Variants in JCAD observed in about 807,000 individuals in gnomAD.
JCAD encodes the protein junctional cadherin 5-associated protein.
A neutral mutation model predicts 98.0 loss-of-function variants in JCAD; 40 were observed. The ratio of observed to expected loss-of-function variants is 0.41; its 90% CI spans 0.32 to 0.53. The LOEUF is 0.53. Ranked by LOEUF, JCAD falls within the 20% of genes least tolerant of loss-of-function variation. The pLI, the probability that JCAD is intolerant of heterozygous loss-of-function variation, is 0.31. For missense variants in JCAD, 1,705 were observed against 1,738.1 expected (o/e 0.98, Z 0.34); for synonymous variants, 691 against 682.3 (o/e 1.01, Z -0.20).
chr10:30,059,604 C>T (rs1352009039), upstream of JCAD: 1 of 151,660 alleles, frequency 6.6e-6, no homozygotes, highest in African/African-American at 2.4e-5. The surrounding 1 kb of genome is among the most constrained non-coding windows in gnomAD (Gnocchi z 5.0). Context: ...CGCCGTCCGC[C>T]CCGCCCACCG....
At chr10:30,057,742 GT>G (rs1465879564) in intron 1 of JCAD, among the ~76,000 whole-genome samples, 4 of 152,202 alleles carry the variant, frequency 2.6e-5, no homozygotes. Context: ...CGGAGTAACA[GT>G]TTCTTACATG....
intron 1 of JCAD, among the ~76,000 whole-genome samples, chr10:30,056,594 A>T (rs1837574044): frequency 6.6e-6 from 1 of 151,758 alleles, no homozygotes; most frequent in African/African-American, 2.4e-5. Context: ...TTTCATTTAC[A>T]TACAGAAAAA....
chr10:30,068,390 C>CAAAAAAAAAA (rs34060997), intron 2 of JCAD, among the ~76,000 whole-genome samples: 1 of 48,196 alleles, frequency 2.1e-5, no homozygotes, highest in African/African-American at 8.1e-5. Context: ...AACTCTGTCT[C>CAAAAAAAAAA]AAAAAAAAAA....
At chr10:30,064,779 C>A (rs1837755865) in intron 2 of JCAD, among the ~76,000 whole-genome samples, 1 of 152,100 alleles carries the variant, frequency 6.6e-6, no homozygotes, top group Admixed American at 6.5e-5. Flanking sequence ...TCAAGCAGTT[C>A]TCCTGCCTCA....
intron 3 of JCAD, among the ~76,000 whole-genome samples, chr10:30,021,804 A>C (rs1417223521): frequency 1.3e-5 from 2 of 152,136 alleles, no homozygotes; most frequent in African/African-American, 2.4e-5. Context: ...GAGAATTTAG[A>C]ATCCTGTTTC....
Position 30,027,376 on chromosome 10 carries a change from G to A in JCAD, c.2772C>T (p.His924=), listed in dbSNP as rs1836845379. Residue 924 remains histidine (H), a synonymous_variant, in exon 3 of 4, where the codon CAC becomes CAT. Coordinates refer to ENST00000375377, the MANE Select transcript of JCAD (RefSeq NM_020848.4). ...ESWSEELQPG[H]PRAWPPSPGR... ...CCGGGGATGGAGGCCAGGCACGTGGGTGGCCAGGCTGCAGCTCCTCACTCC... is the reference window on the plus strand; with the variant it reads ...CCGGGGATGGAGGCCAGGCACGTGGATGGCCAGGCTGCAGCTCCTCACTCC... 6.2e-7 allele frequency: 1 copy of A among 1,609,014 alleles called. No homozygotes were observed. The highest frequency in any genetic ancestry group is 8.5e-7 in the Non-Finnish European group (1 of 1,180,020).
At chr10:30,017,970 T>G in intron 3 of JCAD, 53 bp from the exon 4 acceptor site, 1 of 1,407,344 alleles carries the variant, frequency 7.1e-7, no homozygotes, top group Non-Finnish European at 1.0e-6. Context: ...CTGCTCTATT[T>G]TCTGTTTAAT....
chr10:30,069,376 T>C (rs923764854), intron 2 of JCAD, among the ~76,000 whole-genome samples: 2 of 148,584 alleles, frequency 1.3e-5, no homozygotes, highest in Admixed American at 6.8e-5. Context: ...GGCAGGAGGA[T>C]TGCTTGAGCC....
intron 1 of JCAD, among the ~76,000 whole-genome samples, chr10:30,095,987 T>C (rs921602560): frequency 6.6e-6 from 1 of 152,240 alleles, no homozygotes; most frequent in African/African-American, 2.4e-5. Context: ...GCTTGTGGCA[T>C]GTTAAGTCCA....
Position 30,016,001 on chromosome 10 carries a change from T to C in JCAD, c.*1882A>G, listed in dbSNP as rs1445620146. On this transcript the variant is annotated 3_prime_UTR_variant, in exon 4 of 4. Transcript: ENST00000375377. ...TCTTTTTGTTTCCCGCACTTATTGC[T>C]GCTGTGAAAACTGGAGTGCACTCTC... The C allele has an allele frequency of 6.6e-6, 1 of 152,220 alleles. No individual in the cohort carries two copies. Among genetic ancestry groups the C allele is most frequent in the African/African-American group, 2.4e-5 (1 of 41,468 alleles). The allele number at this position is 152,220 out of a possible 1,614,324, so 9.4% of individuals were successfully genotyped here. A position where few individuals can be genotyped will look rare whatever the true frequency, so the allele number is the denominator to read the frequency against.
chr10:30,027,079 G>A lies in JCAD; in HGVS notation c.3069C>T (p.Asp1023=), dbSNP rs929963659. The change falls in exon 3 of 4, where the codon GAC becomes GAT. Residue 1023 remains aspartate (D), a synonymous_variant. Transcript: ENST00000375377. ...KPSEAVPRKF[D]SGGERGAGLP... is the part of the protein sequence containing the mutation. ...GCCCTGCCCCCCTCTCTCCACCACTGTCAAACTTCCGAGGGACCGCTTCAC... is the reference window on the plus strand; with the variant it reads ...GCCCTGCCCCCCTCTCTCCACCACTATCAAACTTCCGAGGGACCGCTTCAC... 1.1e-5 allele frequency: 18 copies of A among 1,614,084 alleles called. No individual in the cohort carries two copies. Among genetic ancestry groups the A allele is most frequent in the Non-Finnish European group, 1.4e-5 (17 of 1,180,032 alleles).
chr10:30,104,244 G>A (rs1838525585), intron 1 of JCAD, among the ~76,000 whole-genome samples: 1 of 152,292 alleles, frequency 6.6e-6, no homozygotes, highest in South Asian at 2.1e-4. Context: ...CTGTGTTAAG[G>A]GAGTTTGGAT....
At position 30,023,899 on chromosome 10, in the gene JCAD, T is replaced by C. The variant is rs77389602; in HGVS notation, c.4045+2204A>G. On this transcript the variant is annotated intron_variant, in intron 3 of 3. Transcript: ENST00000375377. ...TTTCTGAACTGGAAATTTTGTGTTA[T>C]CAAATACTCCCTAGACTGGGCACCA... 5.7e-3 allele frequency among the ~76,000 whole-genome samples: 870 copies of C among 152,308 alleles called. 9 individuals carry two copies. Among genetic ancestry groups the C allele is most frequent in the African/African-American group, 0.02 (820 of 41,566 alleles).
chr10:30,044,828 A>T, intron 2 of JCAD: 1 of 848,086 alleles, frequency 1.2e-6, no homozygotes, highest in Non-Finnish European at 1.4e-6. Context: ...GGGCACCTAA[A>T]AAAAAAAAAA....
chr10:30,032,989 T>G (rs578056379), intron 2 of JCAD, among the ~76,000 whole-genome samples: 4 of 152,352 alleles, frequency 2.6e-5, no homozygotes, highest in African/African-American at 9.6e-5. Context: ...TAACATCTAC[T>G]GGGCACCCAT....
intron 1 of JCAD, among the ~76,000 whole-genome samples, chr10:30,082,910 T>A (rs1405473031): frequency 2.0e-5 from 3 of 147,902 alleles, no homozygotes; most frequent in African/African-American, 7.5e-5. Context: ...GGCATGCACC[T>A]GTAGTCCCAG....
exon 1 of JCAD, chr10:30,115,375 A>G (rs928346549): frequency 1.3e-5 from 2 of 152,218 alleles, no homozygotes; most frequent in African/African-American, 4.8e-5. Flanking sequence ...ACCTGAGGAA[A>G]TCCCTGATTT....
At position 30,014,478 on chromosome 10, in the gene JCAD, G is replaced by A. The variant is rs2132593210; in HGVS notation, c.*3405C>T. Reference sequence around the variant, plus strand: ...GTCACTTTGCAAGAGATGCTATCCTGACATTTAATTGTGTATTATTTAATC... The same window carrying A: ...GTCACTTTGCAAGAGATGCTATCCTAACATTTAATTGTGTATTATTTAATC... On this transcript the variant is annotated 3_prime_UTR_variant, in exon 4 of 4. Transcript: ENST00000375377. 1 of 152,288 alleles carries A rather than the reference G, an allele frequency of 6.6e-6. No individual in the cohort carries two copies. Among genetic ancestry groups the A allele is most frequent in the South Asian group, 2.1e-4 (1 of 4,816 alleles). The allele number at this position is 152,288 out of a possible 1,614,324, so 9.4% of individuals were successfully genotyped here. A position where few individuals can be genotyped will look rare whatever the true frequency, so the allele number is the denominator to read the frequency against.
chr10:30,052,532 T>C (rs960825348), intron 1 of JCAD, among the ~76,000 whole-genome samples: 1 of 152,152 alleles, frequency 6.6e-6, no homozygotes, highest in Non-Finnish European at 1.5e-5. Flanking sequence ...TTAGCACCCA[T>C]GCAGAGGCCA....
Sources: allele counts gnomAD v4.1 joint callset (sites outside exome capture counted in the v4.1 genomes callset), GRCh38; gene constraint gnomAD v4.1.1; non-coding constraint Gnocchi (gnomAD v3.1); transcripts MANE v1.5; gene names NCBI Gene and HGNC (gene_info 2026-07-23, HGNC 2026-07-21).